PEX14: variants seen among roughly 807,000 people sequenced by gnomAD.
The protein encoded by PEX14 is peroxisomal membrane protein PEX14.
PEX14 carries 15 observed loss-of-function variants against 49.5 expected under a neutral mutation model. That is an observed-to-expected ratio of 0.30 (90% CI 0.20 to 0.47). The LOEUF is 0.47. Among genes scored for constraint, PEX14 ranks in the 20% least tolerant of loss-of-function variants. The pLI, the probability that PEX14 is intolerant of heterozygous loss-of-function variation, is 1.00. For missense variants in PEX14, 398 were observed against 494.8 expected (o/e 0.80, Z 1.86); for synonymous variants, 210 against 212.7 (o/e 0.99, Z 0.11).
chr1:10,577,984 T>A (rs1640200018), intron 3 of PEX14, among the ~76,000 whole-genome samples: 1 of 151,946 alleles, frequency 6.6e-6, no homozygotes. Context: ...TAAGGCTTTT[T>A]CCTTGAGGTA....
At chr1:10,619,320 T>A (rs1641525646) in intron 5 of PEX14, among the ~76,000 whole-genome samples, 2 of 150,836 alleles carry the variant, frequency 1.3e-5, no homozygotes, top group South Asian at 4.3e-4. Context: ...TGGTGATTTT[T>A]TTTTTTTTTT....
rs199913711 is a variant in PEX14, at chr1:10,618,434, G to A, written c.384+17G>A. ...CTCTACAAGGTGAGTCACCCCCAGC[G>A]GCTGCAGGTGCTGTGCCCCTGCCAC... On this transcript the variant is annotated intron_variant, in intron 5 of 8. Coordinates refer to ENST00000356607, the MANE Select transcript of PEX14 (RefSeq NM_004565.3). 852 of 1,589,360 alleles carry A rather than the reference G, an allele frequency of 5.4e-4. 5 individuals are homozygous for A. In the Middle Eastern group the frequency reaches 8.5e-3, roughly 16 times the overall value.
chr1:10,600,937 C>A (rs1450535376), intron 4 of PEX14, among the ~76,000 whole-genome samples: 1 of 149,282 alleles, frequency 6.7e-6, no homozygotes, highest in Non-Finnish European at 1.5e-5. Flanking sequence ...TTCGAGACCA[C>A]CCTGGGCAAC....
chr1:10,581,141 A>T (rs1365334942), intron 3 of PEX14, among the ~76,000 whole-genome samples: 1 of 152,056 alleles, frequency 6.6e-6, no homozygotes, highest in Non-Finnish European at 1.5e-5. Flanking sequence ...ACCAATGGGA[A>T]ATAGTATGCT....
chr1:10,565,404 GTATAGCCCTC>G (rs70997254), intron 3 of PEX14, among the ~76,000 whole-genome samples: 16,269 of 152,132 alleles, frequency 0.11, 941 homozygotes, highest in Non-Finnish European at 0.12. Flanking sequence ...TGTTCCTAGG[GTATAGCCCTC>G]TATGGGTCCC....
At chr1:10,509,659 G>A (rs982617991) in intron 2 of PEX14, among the ~76,000 whole-genome samples, 32 of 152,102 alleles carry the variant, frequency 2.1e-4, no homozygotes, top group Non-Finnish European at 4.1e-4. Flanking sequence ...CTGGAGGAAC[G>A]CTGCCGTGTT....
rs1170103613 is a variant in PEX14, at chr1:10,529,503, T to C, written c.85-6710T>C. Among the ~76,000 whole-genome samples the C allele has an allele frequency of 6.6e-6, 1 of 152,266 alleles. No individual in the cohort carries two copies. The highest frequency in any genetic ancestry group is 1.5e-5 in the Non-Finnish European group (1 of 68,046). On this transcript the variant is annotated intron_variant, in intron 2 of 8. Coordinates refer to ENST00000356607, the MANE Select transcript of PEX14 (RefSeq NM_004565.3). This position sits in a 1 kb window ranked among gnomAD's most constrained non-coding sequence, Gnocchi z 4.2. The stretch of plus-strand genomic sequence containing the variant: ...CAATATACATTTCTGGAAGAACTAC[T>C]TTAATCAAATAACAAAACAATGACA...
intron 3 of PEX14, among the ~76,000 whole-genome samples, chr1:10,568,772 C>T (rs1639887059): frequency 6.6e-6 from 1 of 152,140 alleles, no homozygotes; most frequent in South Asian, 2.1e-4. Flanking sequence ...CAGAGTCTCA[C>T]TCTGTTGCCC....
In PEX14 at chr1:10,629,698, G is replaced by A. The variant is rs1280044098; in HGVS notation, c.845G>A (p.Ser282Asn). The A allele has an allele frequency of 1.9e-6, 3 of 1,612,032 alleles. No individual in the cohort carries two copies. The highest frequency in any genetic ancestry group is 2.5e-6 in the Non-Finnish European group (3 of 1,179,148). The part of the protein sequence containing the change: ...TSSSPGKEGH[S>N]PEGSTVTYHL... Reference sequence around the variant, plus strand: ...TCCTCGCCTGGGAAGGAGGGCCACAGCCCCGAGGGCTCCACGGTCACCTAC... The same window carrying A: ...TCCTCGCCTGGGAAGGAGGGCCACAACCCCGAGGGCTCCACGGTCACCTAC... The change falls in exon 9 of 9, where the codon AGC becomes AAC. Residue 282 changes from serine (S) to asparagine (N), a missense_variant. This residue lies in a region of PEX14 where 140 missense variants were observed against 155.5 expected (regional missense o/e 0.90). Transcript: ENST00000356607. The surrounding 1 kb of genome is among the most constrained non-coding windows in gnomAD (Gnocchi z 8.5).
intron 2 of PEX14, among the ~76,000 whole-genome samples, chr1:10,510,210 C>A (rs960613153): frequency 6.6e-6 from 1 of 152,246 alleles, no homozygotes; most frequent in African/African-American, 2.4e-5. Flanking sequence ...TTCATCCCTA[C>A]ACGTGCTGCT....
chr1:10,600,195 G>A (rs1401113001), intron 4 of PEX14, among the ~76,000 whole-genome samples: 1 of 152,204 alleles, frequency 6.6e-6, no homozygotes, highest in African/African-American at 2.4e-5. Context: ...TGAGGCGGGT[G>A]GATCACCTGA....
chr1:10,520,364 G>T (rs1393565126), intron 2 of PEX14, among the ~76,000 whole-genome samples: 2 of 151,942 alleles, frequency 1.3e-5, no homozygotes, highest in African/African-American at 4.8e-5. Context: ...TCACTGTGTT[G>T]TCTAGGCTGG....
chr1:10,502,233 G>A (rs1410431533), intron 2 of PEX14, among the ~76,000 whole-genome samples: 1 of 152,092 alleles, frequency 6.6e-6, no homozygotes, highest in Non-Finnish European at 1.5e-5. Flanking sequence ...ACTAGTGTCC[G>A]TGTATACTGA....
intron 7 of PEX14, 73 bp downstream of exon 7, chr1:10,624,510 G>T: frequency 9.7e-7 from 1 of 1,033,506 alleles, no homozygotes; most frequent in East Asian, 2.4e-5. Flanking sequence ...TGTCCCTTGG[G>T]CCGGGCTTGC....
At position 10,484,384 on chromosome 1, in the gene PEX14, G is replaced by A. The variant is rs192924108; in HGVS notation, c.36+9382G>A. 2.3e-3 allele frequency among the ~76,000 whole-genome samples: 356 copies of A among 151,520 alleles called. 4 individuals carry two copies. The highest frequency in any genetic ancestry group is 8.8e-4 in the Non-Finnish European group (60 of 67,980). On this transcript the variant is annotated intron_variant, in intron 1 of 8. Coordinates refer to ENST00000356607, the MANE Select transcript of PEX14 (RefSeq NM_004565.3). ...GATGGGGTTTCACTGTGTTGGTCAGGCTGGTCTCCAACTCCTGACCTCATG... is the reference window on the plus strand; with the variant it reads ...GATGGGGTTTCACTGTGTTGGTCAGACTGGTCTCCAACTCCTGACCTCATG...
chr1:10,545,388 AT>A (rs937439238), intron 3 of PEX14, among the ~76,000 whole-genome samples: 24 of 152,212 alleles, frequency 1.6e-4, no homozygotes, highest in African/African-American at 5.8e-4. Flanking sequence ...TGTGTTTAAC[AT>A]TTTAAGAAAC....
At chr1:10,573,541 A>G (rs1640040567) in intron 3 of PEX14, among the ~76,000 whole-genome samples, 1 of 152,242 alleles carries the variant, frequency 6.6e-6, no homozygotes, top group Non-Finnish European at 1.5e-5. Context: ...CTTAAACCAC[A>G]GCAAGTCACC....
intron 2 of PEX14, 48 bp from the exon 3 acceptor site, chr1:10,536,165 C>G: frequency 9.0e-7 from 1 of 1,113,948 alleles, no homozygotes; most frequent in South Asian, 1.2e-5. Flanking sequence ...TCTTGAAATT[C>G]AGACTATTGA....
At chr1:10,600,157 C>A (rs552649962) in intron 4 of PEX14, among the ~76,000 whole-genome samples, 2 of 152,246 alleles carry the variant, frequency 1.3e-5, no homozygotes, top group Non-Finnish European at 2.9e-5. Context: ...CGTTGGCTCA[C>A]GCCTCTAATC....
Sources: allele counts gnomAD v4.1 joint callset (sites outside exome capture counted in the v4.1 genomes callset), GRCh38; gene constraint gnomAD v4.1.1; regional missense constraint gnomAD v4.1.1; non-coding constraint Gnocchi (gnomAD v3.1); transcripts MANE v1.5; gene names NCBI Gene and HGNC (gene_info 2026-07-23, HGNC 2026-07-21).